Variants in GMDS observed in about 807,000 individuals in gnomAD.
GMDS encodes the protein GDP-mannose 4,6 dehydratase.
A neutral mutation model predicts 49.9 loss-of-function variants in GMDS; 20 were observed. The ratio of observed to expected loss-of-function variants is 0.40; its 90% CI spans 0.28 to 0.58. The LOEUF (loss-of-function observed/expected upper bound fraction) is 0.58, where lower values mean the gene tolerates loss of function less well. Among genes scored for constraint, GMDS ranks in the 20% least tolerant of loss-of-function variants. The probability of loss-of-function intolerance (pLI) is 0.42; values close to 1 mark genes in which losing one functional copy is unlikely to be tolerated. For missense variants in GMDS, 362 were observed against 481.4 expected (o/e 0.75, Z 2.32); for synonymous variants, 177 against 178.6 (o/e 0.99, Z 0.07).
At chr6:1,666,262 C>T (rs1179089425) in intron 9 of GMDS, among the ~76,000 whole-genome samples, 1 of 152,210 alleles carries the variant, frequency 6.6e-6, no homozygotes, top group Non-Finnish European at 1.5e-5. Flanking sequence ...CCCTGCACCA[C>T]AGTACCTGCA....
chr6:2,244,442 C>T (rs1325962263), intron 1 of GMDS, among the ~76,000 whole-genome samples: 4 of 152,104 alleles, frequency 2.6e-5, no homozygotes. Flanking sequence ...TACCCAGGAG[C>T]ACACACATCA....
rs1775905775 is a variant in GMDS at position 2,134,661 on chromosome 6, T to C, written c.103-9930A>G. The stretch of plus-strand genomic sequence containing the variant: ...AAATACTTAAATGTCTAACAACTAC[T>C]TCTGTTTCCCAGCTATTCTCTCCTA... On this transcript the variant is annotated intron_variant, in intron 1 of 10. Coordinates refer to ENST00000380815, the MANE Select transcript of GMDS (RefSeq NM_001500.4). 2.0e-5 allele frequency among the ~76,000 whole-genome samples: 3 copies of C among 152,210 alleles called. No individual in the cohort carries two copies. In the South Asian group the frequency reaches 6.2e-4, roughly 32 times the overall value.
At chr6:1,964,455 T>C (rs1193711024) in intron 4 of GMDS, among the ~76,000 whole-genome samples, 1 of 152,210 alleles carries the variant, frequency 6.6e-6, no homozygotes, top group Non-Finnish European at 1.5e-5. Flanking sequence ...CAGGTAAGTA[T>C]TTCCACTGAC....
At chr6:1,641,148 C>T (rs539809591) in intron 9 of GMDS, among the ~76,000 whole-genome samples, 5 of 152,336 alleles carry the variant, frequency 3.3e-5, no homozygotes, top group South Asian at 2.1e-4. Flanking sequence ...TACTCACATG[C>T]TGGAGATTGG....
chr6:1,748,672 C>A (rs1767606927), intron 7 of GMDS, among the ~76,000 whole-genome samples: 1 of 152,192 alleles, frequency 6.6e-6, no homozygotes, highest in South Asian at 2.1e-4. Context: ...TCTGCTGTTG[C>A]AGCACAAAAC....
intron 4 of GMDS, among the ~76,000 whole-genome samples, chr6:1,966,737 T>C (rs2127309733): frequency 6.6e-6 from 1 of 152,120 alleles, no homozygotes; most frequent in Admixed American, 6.5e-5. Context: ...CCAAACAGGG[T>C]TCCTGAAGCT....
intron 9 of GMDS, among the ~76,000 whole-genome samples, chr6:1,645,565 T>C (rs1199591603): frequency 6.6e-6 from 1 of 152,232 alleles, no homozygotes; most frequent in Non-Finnish European, 1.5e-5. Flanking sequence ...TCACTTGCTC[T>C]TTTCCTCCCA....
chr6:1,889,304 C>T (rs1759763956), intron 7 of GMDS, among the ~76,000 whole-genome samples: 1 of 152,134 alleles, frequency 6.6e-6, no homozygotes, highest in Non-Finnish European at 1.5e-5. Flanking sequence ...TGTGACTGCC[C>T]ATTCTGTAAA....
At chr6:2,213,175 T>C (rs1034018843) in intron 1 of GMDS, among the ~76,000 whole-genome samples, 2 of 152,146 alleles carry the variant, frequency 1.3e-5, no homozygotes, top group Non-Finnish European at 2.9e-5. Flanking sequence ...TCACCACAGG[T>C]GGCAAATATC....
intron 1 of GMDS, among the ~76,000 whole-genome samples, chr6:2,169,901 G>A (rs939512414): frequency 6.6e-6 from 1 of 152,004 alleles, no homozygotes. Context: ...GCTATCTGGT[G>A]GTATATTAGA....
chr6:2,106,104 C>T (rs1242568585), intron 4 of GMDS, among the ~76,000 whole-genome samples: 1 of 152,218 alleles, frequency 6.6e-6, no homozygotes, highest in Non-Finnish European at 1.5e-5. Flanking sequence ...TAGGAACATA[C>T]TCTGCCATTT....
intron 7 of GMDS, among the ~76,000 whole-genome samples, chr6:1,926,456 G>A (rs531423220): frequency 2.0e-5 from 3 of 152,296 alleles, no homozygotes; most frequent in African/African-American, 7.2e-5. Context: ...CTCTGCGAGG[G>A]GGATAAGGGA....
intron 7 of GMDS, among the ~76,000 whole-genome samples, chr6:1,898,182 C>G (rs1760315378): frequency 6.6e-6 from 1 of 152,004 alleles, no homozygotes; most frequent in Non-Finnish European, 1.5e-5. Flanking sequence ...CCCTTACCCT[C>G]TTCTGCTCAG....
intron 6 of GMDS, among the ~76,000 whole-genome samples, chr6:1,939,334 G>A (rs1229286997): frequency 6.6e-6 from 1 of 151,802 alleles, no homozygotes; most frequent in Non-Finnish European, 1.5e-5. Flanking sequence ...GCTTCCTCCT[G>A]AGACAGTCAC....
At chr6:2,224,508 T>C (rs1780733886) in intron 1 of GMDS, among the ~76,000 whole-genome samples, 2 of 152,248 alleles carry the variant, frequency 1.3e-5, no homozygotes, top group South Asian at 2.1e-4. Context: ...ATGCTTCTCA[T>C]AGGAGAAATA....
At chr6:1,787,290 G>T (rs1769363819) in intron 7 of GMDS, among the ~76,000 whole-genome samples, 1 of 152,164 alleles carries the variant, frequency 6.6e-6, no homozygotes, top group Non-Finnish European at 1.5e-5. Context: ...TAAAGGACCA[G>T]CTAGGATTGG....
At chr6:2,168,478 C>A (rs1777782741) in intron 1 of GMDS, among the ~76,000 whole-genome samples, 1 of 152,222 alleles carries the variant, frequency 6.6e-6, no homozygotes, top group Non-Finnish European at 1.5e-5. Context: ...TGTCAGATGG[C>A]AGCCTTTAGC....
At chr6:1,765,992 T>A (rs767254936) in intron 7 of GMDS, among the ~76,000 whole-genome samples, 21 of 152,146 alleles carry the variant, frequency 1.4e-4, no homozygotes, top group Non-Finnish European at 2.5e-4. Context: ...CTTCGAAACA[T>A]GCCTGGTGCC....
chr6:1,668,457 C>A (rs1252021395), intron 9 of GMDS, among the ~76,000 whole-genome samples: 1 of 152,158 alleles, frequency 6.6e-6, no homozygotes, highest in Non-Finnish European at 1.5e-5. Flanking sequence ...TGCCTGTAAT[C>A]CCAGCACTTC....
Sources: gnomAD v4.1 joint callset for allele counts (sites outside exome capture counted in the v4.1 genomes callset) on GRCh38, gnomAD v4.1.1 for gene constraint, MANE v1.5 for transcripts, NCBI Gene and HGNC (gene_info 2026-07-23, HGNC 2026-07-21) for gene names.